The following PTPRD variants were observed in gnomAD, a reference collection of about 807,000 sequenced individuals.
PTPRD encodes the protein protein tyrosine phosphatase receptor type D.
In PTPRD, 34 loss-of-function variants were observed where a neutral mutation model predicts 214.5. That is an observed-to-expected ratio of 0.16 (90% confidence interval 0.12 to 0.21). PTPRD has a LOEUF of 0.21. Ranked by LOEUF, PTPRD falls within the 10% of genes least tolerant of loss-of-function variation. The pLI is 1.00. For missense variants in PTPRD, 2,545 were observed against 2,398.7 expected, an observed-to-expected ratio of 1.06 and a Z score of -1.27; for synonymous variants, 1,128 against 845.7, an observed-to-expected ratio of 1.33 and a Z score of -5.79.
chr9:9,535,330 C>T (rs1469409463), intron 8 of PTPRD, among the ~76,000 whole-genome samples: 4 of 152,054 alleles, frequency 2.6e-5, no homozygotes, highest in East Asian at 1.9e-4. Flanking sequence ...AAGTTTTAAA[C>T]GATCCAAAAG....
At chr9:9,809,820 C>G (rs1467681581) in intron 5 of PTPRD, among the ~76,000 whole-genome samples, 2 of 152,110 alleles carry the variant, frequency 1.3e-5, no homozygotes, top group African/African-American at 4.8e-5. Context: ...AAAATGGTGA[C>G]TTTGATACTG....
At chr9:8,926,245 T>G (rs1007217153) in intron 11 of PTPRD, among the ~76,000 whole-genome samples, 2 of 152,114 alleles carry the variant, frequency 1.3e-5, no homozygotes, top group Non-Finnish European at 1.5e-5. Flanking sequence ...AAAACTTATT[T>G]CAGATGTTAC....
chr9:8,511,788 T>C (rs1396924388), intron 21 of PTPRD, among the ~76,000 whole-genome samples: 1 of 152,122 alleles, frequency 6.6e-6, no homozygotes, highest in Non-Finnish European at 1.5e-5. Context: ...TTACTTAATG[T>C]CCACAAGGAA....
At chr9:8,586,680 C>G (rs1015009797) in intron 14 of PTPRD, among the ~76,000 whole-genome samples, 7 of 152,316 alleles carry the variant, frequency 4.6e-5, no homozygotes, top group African/African-American at 1.7e-4. Flanking sequence ...TACCCTCCTA[C>G]CCCCAGTCAC....
intron 10 of PTPRD, among the ~76,000 whole-genome samples, chr9:9,095,017 C>A (rs12005867): frequency 6.6e-6 from 1 of 152,130 alleles, no homozygotes; most frequent in Non-Finnish European, 1.5e-5. Context: ...TCTAGCCCAA[C>A]ATTTGAAAAA....
intron 4 of PTPRD, among the ~76,000 whole-genome samples, chr9:10,028,588 AC>A (rs1567179337): frequency 1.3e-5 from 2 of 152,132 alleles, no homozygotes; most frequent in African/African-American, 4.8e-5. Flanking sequence ...CTTGTTGGGA[AC>A]TGGAGCAAAG....
At chr9:8,533,242 C>T (rs2076148600) in intron 14 of PTPRD, among the ~76,000 whole-genome samples, 1 of 151,982 alleles carries the variant, frequency 6.6e-6, no homozygotes, top group Non-Finnish European at 1.5e-5. Flanking sequence ...CCAAGGTGGT[C>T]CTAAGTAGCT....
chr9:8,929,182 C>A (rs1439163116), intron 11 of PTPRD, among the ~76,000 whole-genome samples: 1 of 152,146 alleles, frequency 6.6e-6, no homozygotes, highest in Non-Finnish European at 1.5e-5. Context: ...CACTTGATTT[C>A]TTTCCCTTGC....
intron 8 of PTPRD, among the ~76,000 whole-genome samples, chr9:9,467,588 C>CAAAAAAAAAAAACAAAAAAA (rs2094289372): frequency 1.8e-5 from 1 of 55,954 alleles, no homozygotes. Context: ...CTCCATCTCC[C>CAAAAAAAAAAAACAAAAAAA]AAAAAAAAAA....
At chr9:10,189,873 A>G (rs745493786) in intron 3 of PTPRD, among the ~76,000 whole-genome samples, 2 of 152,088 alleles carry the variant, frequency 1.3e-5, no homozygotes, top group Non-Finnish European at 2.9e-5. Flanking sequence ...GAGTTTTCTG[A>G]ATTAAAGGTA....
At chr9:8,561,447 G>C (rs144742366) in intron 14 of PTPRD, among the ~76,000 whole-genome samples, 1 of 152,084 alleles carries the variant, frequency 6.6e-6, no homozygotes, top group Non-Finnish European at 1.5e-5. Flanking sequence ...TTTCTTGGAC[G>C]CAGGATAAGA....
intron 5 of PTPRD, among the ~76,000 whole-genome samples, chr9:9,888,477 T>A (rs539367803): frequency 1.3e-5 from 2 of 152,238 alleles, no homozygotes; most frequent in South Asian, 4.1e-4. Flanking sequence ...GTTTGGGTCA[T>A]GGGGAGAGGG....
Position 9,381,033 on chromosome 9 carries a change from C to A in PTPRD, c.-203+16416G>T, listed in dbSNP as rs372644469. 4.6e-5 allele frequency among the ~76,000 whole-genome samples: 7 copies of A among 152,110 alleles called. No homozygotes were observed. The South Asian group carries it at 1.5e-3, about 32-fold the overall frequency. On this transcript the variant is annotated intron_variant, in intron 9 of 45. Transcript: ENST00000381196. The stretch of plus-strand genomic sequence containing the variant: ...TTTCTTTTGCTTAGTGTTAGTATGG[C>A]ATATTTTTCTTCACTCATTTATTTT...
chr9:9,389,172 C>G (rs559291811), intron 9 of PTPRD, among the ~76,000 whole-genome samples: 5 of 152,242 alleles, frequency 3.3e-5, no homozygotes, highest in African/African-American at 1.2e-4. Context: ...GGTAATATAT[C>G]TAGCAGCATA....
chr9:9,028,255 G>GCTCAC (rs1239537072), intron 10 of PTPRD, among the ~76,000 whole-genome samples: 1 of 151,876 alleles, frequency 6.6e-6, no homozygotes, highest in Non-Finnish European at 1.5e-5. Context: ...ATTTGTTGAA[G>GCTCAC]CTCACTAAAT....
chr9:10,460,337 T>C (rs993079298), intron 2 of PTPRD, among the ~76,000 whole-genome samples: 5 of 151,466 alleles, frequency 3.3e-5, no homozygotes, highest in Non-Finnish European at 7.4e-5. Context: ...GCAGTCCCTA[T>C]CAAAATCCCA....
chr9:9,600,095 A>G (rs1423632897), intron 7 of PTPRD, among the ~76,000 whole-genome samples: 1 of 152,152 alleles, frequency 6.6e-6, no homozygotes, highest in Non-Finnish European at 1.5e-5. Context: ...GACTGATCTT[A>G]TGTTGTTTAT....
At chr9:9,609,825 G>A (rs2094421136) in intron 7 of PTPRD, among the ~76,000 whole-genome samples, 1 of 152,094 alleles carries the variant, frequency 6.6e-6, no homozygotes, top group African/African-American at 2.4e-5. Flanking sequence ...TTAGGCTGGT[G>A]GGTTGTGTTT....
At chr9:8,993,522 G>C (rs752411633) in intron 11 of PTPRD, among the ~76,000 whole-genome samples, 4 of 152,162 alleles carry the variant, frequency 2.6e-5, no homozygotes, top group Admixed American at 6.6e-5. Context: ...TGTATAGTCT[G>C]AGCAATATGA....
Sources: gnomAD v4.1 joint callset for allele counts (sites outside exome capture counted in the v4.1 genomes callset) on GRCh38, gnomAD v4.1.1 for gene constraint, MANE v1.5 for transcripts, NCBI Gene and HGNC (gene_info 2026-07-23, HGNC 2026-07-21) for gene names.